Variants in DSC2 observed in about 807,000 individuals in gnomAD.
DSC2 encodes desmocollin 2.
In DSC2, 51 loss-of-function variants were observed where a neutral mutation model predicts 87.6. The observed-to-expected ratio is 0.58, with a 90% CI of 0.46 to 0.74. DSC2 has a LOEUF of 0.74. Ranked by LOEUF, DSC2 falls within the 30% of genes least tolerant of loss-of-function variation. DSC2 has a pLI of 0.00. For synonymous variants in DSC2, 383 were observed against 393.2 expected (o/e 0.97, Z 0.31); for missense variants, 1,066 against 1,089.5 (o/e 0.98, Z 0.30).
At chr18:31,094,587 T>C (rs1013559401) in intron 1 of DSC2, among the ~76,000 whole-genome samples, 42 of 152,218 alleles carry the variant, frequency 2.8e-4, no homozygotes, top group Non-Finnish European at 2.8e-4. Flanking sequence ...ACAAACATCT[T>C]TGACCAAAAG....
chr18:31,082,515 A>C (rs1490161634), intron 8 of DSC2, 92 bp from the exon 9 acceptor site: 2 of 1,152,688 alleles, frequency 1.7e-6, no homozygotes, highest in Non-Finnish European at 2.5e-6. Flanking sequence ...CTAATTTCCA[A>C]AGTACTATGT....
chr18:31,074,421 ATGTGTGT>A (rs1986935767), intron 12 of DSC2, among the ~76,000 whole-genome samples: 1 of 139,940 alleles, frequency 7.1e-6, no homozygotes, highest in Non-Finnish European at 1.5e-5. Flanking sequence ...AAGAGAAAAA[ATGTGTGT>A]GTGTGTGTGT....
chr18:31,069,800 T>C (rs1986766261), intron 14 of DSC2, among the ~76,000 whole-genome samples: 1 of 151,868 alleles, frequency 6.6e-6, no homozygotes, highest in South Asian at 2.1e-4. Flanking sequence ...AAATAAACAC[T>C]GTTGTCTCAC....
rs1986623594 is a variant in DSC2 at position 31,066,519 on chromosome 18, C to T, written c.*1496G>A. 1 of 152,076 alleles carries T rather than the reference C, an allele frequency of 6.6e-6. No homozygotes were observed. The highest frequency in any genetic ancestry group is 1.9e-4 in the East Asian group (1 of 5,196). The allele number at this position is 152,076 out of a possible 1,614,324, so 9.4% of individuals were successfully genotyped here. A position where few individuals can be genotyped will look rare whatever the true frequency, so the allele number is the denominator to read the frequency against. On this transcript the variant is annotated 3_prime_UTR_variant, in exon 16 of 16. Coordinates refer to ENST00000280904, the MANE Select transcript of DSC2 (RefSeq NM_024422.6). ...TATCAAATAATTCCCTAGTGTTAAT[C>T]TGGCAAATAATTGTTATAACCCAAT...
At chr18:31,083,660 T>C (rs772257116) in intron 7 of DSC2, among the ~76,000 whole-genome samples, 29 of 152,198 alleles carry the variant, frequency 1.9e-4, no homozygotes, top group Non-Finnish European at 3.7e-4. Context: ...ATTTAAGAGA[T>C]CATCTAAACT....
At chr18:31,081,912 T>G (rs1304609159) in intron 9 of DSC2, among the ~76,000 whole-genome samples, 1 of 152,118 alleles carries the variant, frequency 6.6e-6, no homozygotes, top group Non-Finnish European at 1.5e-5. Context: ...TAAAGGCTCC[T>G]TGACCCAAAC....
chr18:31,086,081 T>C lies in DSC2; in HGVS notation c.942+495A>G, dbSNP rs192512829. ...TAAATATCTTTTTAACTAGAAAACA[T>C]AGAATGGAAAATATGTTTAGAAGAA... On this transcript the variant is annotated intron_variant, in intron 7 of 15. Transcript: ENST00000280904. Among the ~76,000 whole-genome samples, 33 of 152,126 alleles carry C rather than the reference T, an allele frequency of 2.2e-4. No individual in the cohort carries two copies. The East Asian group carries it at 6.0e-3, about 28-fold the overall frequency.
chr18:31,084,842 C>T (rs1987344437), intron 7 of DSC2, among the ~76,000 whole-genome samples: 1 of 151,960 alleles, frequency 6.6e-6, no homozygotes, highest in East Asian at 1.9e-4. Context: ...CTTGGAAAAC[C>T]TTTATCAACC....
At chr18:31,097,118 T>C (rs1221439372) in intron 1 of DSC2, among the ~76,000 whole-genome samples, 4 of 150,166 alleles carry the variant, frequency 2.7e-5, no homozygotes, top group Admixed American at 2.7e-4. Context: ...CTGTCTCTAC[T>C]AAAAATACAA....
intron 1 of DSC2, among the ~76,000 whole-genome samples, chr18:31,099,019 T>C (rs1271990339): frequency 6.6e-6 from 1 of 152,152 alleles, no homozygotes; most frequent in Admixed American, 6.5e-5. Flanking sequence ...CATATGGTAC[T>C]GACATATATT....
chr18:31,100,525 G>T (rs187314689), intron 1 of DSC2, among the ~76,000 whole-genome samples: 146 of 152,304 alleles, frequency 9.6e-4, no homozygotes, highest in Non-Finnish European at 1.7e-3. Flanking sequence ...GTTAACTGCT[G>T]TGTACTTGGC....
chr18:31,090,100 A>G (rs955962195), intron 4 of DSC2, among the ~76,000 whole-genome samples: 1 of 152,170 alleles, frequency 6.6e-6, no homozygotes, highest in Non-Finnish European at 1.5e-5. Context: ...TATGAGTGAG[A>G]ATAGAAATGG....
chr18:31,090,962 C>T (rs1987573412), intron 4 of DSC2, 66 bp downstream of exon 4: 6 of 1,601,690 alleles, frequency 3.7e-6, no homozygotes, highest in Non-Finnish European at 5.1e-6. Flanking sequence ...TAACTTCATA[C>T]TCAGTGTCAT....
At chr18:31,082,813 C>T (rs1987269464) in intron 8 of DSC2, 113 bp downstream of exon 8, 14 of 1,254,794 alleles carry the variant, frequency 1.1e-5, no homozygotes, top group East Asian at 2.5e-5. Flanking sequence ...CCGCCTCGGC[C>T]TCCCAAAGTG....
intron 1 of DSC2, among the ~76,000 whole-genome samples, chr18:31,094,220 T>A (rs1434611770): frequency 1.3e-5 from 2 of 152,206 alleles, no homozygotes; most frequent in Non-Finnish European, 2.9e-5. Flanking sequence ...AGTACATTTT[T>A]AATTGCTTAT....
Position 31,093,608 on chromosome 18 carries a change from C to T in DSC2, c.105G>A (p.Val35=), listed in dbSNP as rs776441487. 1.9e-6 allele frequency: 3 copies of T among 1,599,560 alleles called. No homozygotes were observed. The East Asian group carries it at 6.8e-5, about 36-fold the overall frequency. ...LIFASDACKN[V]TLHVPSKLDA... ...CTAGTTTGGAGGGAACATGTAATGT[C>T]ACATTTTTGCAGGCATCACTGGCAA... Residue 35 remains valine (V), a synonymous_variant, in exon 2 of 16, where the codon GTG becomes GTA. Coordinates refer to ENST00000280904, the MANE Select transcript of DSC2 (RefSeq NM_024422.6).
intron 1 of DSC2, among the ~76,000 whole-genome samples, chr18:31,098,518 G>A (rs991315703): frequency 7.2e-5 from 11 of 151,798 alleles, no homozygotes; most frequent in East Asian, 1.9e-4. Flanking sequence ...GCAGTGGTGC[G>A]ATCTCGGTTC....
In DSC2 at chr18:31,070,982, T is replaced by G. The variant is rs148841551; in HGVS notation, c.2126-132A>C. 8.3e-5 allele frequency: 96 copies of G among 1,157,892 alleles called. No individual in the cohort carries two copies. The African/African-American group carries it at 1.4e-3, about 16-fold the overall frequency. The allele number at this position is 1,157,892 out of a possible 1,614,324, so 71.7% of individuals were successfully genotyped here. A position where few individuals can be genotyped will look rare whatever the true frequency, so the allele number is the denominator to read the frequency against. On this transcript the variant is annotated intron_variant, in intron 13 of 15. Coordinates refer to ENST00000280904, the MANE Select transcript of DSC2 (RefSeq NM_024422.6). Reference sequence around the variant, plus strand: ...AAAGAAGACAGCTTTCCTGGATTGCTTGTGTCAAAGCAGTATACAATAGAA... The same window carrying G: ...AAAGAAGACAGCTTTCCTGGATTGCGTGTGTCAAAGCAGTATACAATAGAA...
At chr18:31,087,080 C>T (rs1987424641) in intron 6 of DSC2, among the ~76,000 whole-genome samples, 1 of 152,130 alleles carries the variant, frequency 6.6e-6, no homozygotes, top group Admixed American at 6.5e-5. Flanking sequence ...TTAGATTGAT[C>T]ATAGGAGTCA....
Sources: gnomAD v4.1 joint callset for allele counts (sites outside exome capture counted in the v4.1 genomes callset) on GRCh38, gnomAD v4.1.1 for gene constraint, MANE v1.5 for transcripts, NCBI Gene and HGNC (gene_info 2026-07-23, HGNC 2026-07-21) for gene names.